Variants in TUSC3 observed in about 807,000 individuals in gnomAD.
The protein encoded by TUSC3 is dolichyl-diphosphooligosaccharide--protein glycosyltransferase subunit TUSC3.
Under a neutral mutation model 44.8 loss-of-function variants are expected in TUSC3, and 45 were observed. The ratio of observed to expected loss-of-function variants is 1.00; its 90% CI spans 0.79 to 1.29. The LOEUF is 1.29. TUSC3 is among the 50% of genes most tolerant of loss of function. TUSC3 has a pLI of 0.00. For synonymous variants in TUSC3, 212 were observed against 152.9 expected (o/e 1.39, Z -2.85); for missense variants, 519 against 437.9 (o/e 1.19, Z -1.65).
chr8:15,800,694 G>C, the TUSC3 span, among the ~76,000 whole-genome samples: 21 of 152,254 alleles, frequency 1.4e-4, no homozygotes, highest in African/African-American at 5.1e-4. Context: ...CTGTCAGCCT[G>C]CTCTGCAGAA....
intron 5 of TUSC3, among the ~76,000 whole-genome samples, chr8:15,667,389 C>A (rs1807713043): frequency 6.6e-6 from 1 of 151,512 alleles, no homozygotes; most frequent in Non-Finnish European, 1.5e-5. Context: ...ATAAATAATT[C>A]ACTTGTGAAT....
chr8:15,745,492 C>T (rs1003386129), intron 8 of TUSC3, among the ~76,000 whole-genome samples: 1 of 151,994 alleles, frequency 6.6e-6, no homozygotes, highest in Non-Finnish European at 1.5e-5. Context: ...TAATCATAGC[C>T]ATTCTGACTG....
chr8:15,649,870 A>G (rs1177976536), intron 2 of TUSC3, among the ~76,000 whole-genome samples: 2 of 152,148 alleles, frequency 1.3e-5, no homozygotes, highest in African/African-American at 4.8e-5. Flanking sequence ...GGGGGGAGAT[A>G]AACTCTAGAG....
In TUSC3 at chr8:15,461,650, G is replaced by A. The variant is rs562595720; in HGVS notation, n.92-21736G>A. On this transcript the variant is annotated intron_variant and non_coding_transcript_variant, in intron 1 of 5. Coordinates refer to the TUSC3 transcript ENST00000503191. ...AATACGTTCTACTTTTCCCCATTCA[G>A]TATTACGTTAGCTGTGAGTTTGTCA... Among the ~76,000 whole-genome samples, 22 of 151,734 alleles carry A rather than the reference G, an allele frequency of 1.4e-4. 1 individual carries two copies. The highest frequency in any genetic ancestry group is 5.1e-4 in the African/African-American group (21 of 41,410).
chr8:15,711,433 G>A (rs879924851), intron 6 of TUSC3, among the ~76,000 whole-genome samples: 4 of 149,642 alleles, frequency 2.7e-5, no homozygotes, highest in Non-Finnish European at 5.9e-5. Context: ...CAGAAAAGAG[G>A]TTACCAGGTT....
chr8:15,518,667 C>T (rs1051071564), intron 2 of TUSC3, among the ~76,000 whole-genome samples: 1 of 152,108 alleles, frequency 6.6e-6, no homozygotes, highest in Non-Finnish European at 1.5e-5. Flanking sequence ...CCAGTCTTAG[C>T]AGCAAATCTG....
the TUSC3 span, among the ~76,000 whole-genome samples, chr8:15,828,957 C>A: frequency 6.6e-6 from 1 of 152,146 alleles, no homozygotes; most frequent in South Asian, 2.1e-4. Context: ...GCACTTTCCT[C>A]TGTTGACAAA....
the TUSC3 span, among the ~76,000 whole-genome samples, chr8:15,772,084 G>A: frequency 7.8e-4 from 119 of 151,724 alleles, no homozygotes; most frequent in African/African-American, 2.0e-3. Context: ...GCAAGACTCC[G>A]TCTCAAAAAG....
chr8:15,563,926 G>A (rs1407368551), intron 1 of TUSC3, among the ~76,000 whole-genome samples: 1 of 151,976 alleles, frequency 6.6e-6, no homozygotes, highest in Non-Finnish European at 1.5e-5. Flanking sequence ...CTTTTCATGA[G>A]GATATGAACA....
intron 1 of TUSC3, among the ~76,000 whole-genome samples, chr8:15,609,581 T>C (rs1166557047): frequency 2.0e-5 from 3 of 151,876 alleles, no homozygotes; most frequent in South Asian, 2.1e-4. Flanking sequence ...GAAAAAAAAA[T>C]GGGAAGCTCA....
At chr8:15,737,455 T>C (rs1026250906) in intron 7 of TUSC3, among the ~76,000 whole-genome samples, 9 of 152,150 alleles carry the variant, frequency 5.9e-5, no homozygotes, top group Non-Finnish European at 1.3e-4. Context: ...AGCTTTTTTA[T>C]GTGGGATCAT....
the TUSC3 span, among the ~76,000 whole-genome samples, chr8:15,837,268 G>C: frequency 6.6e-6 from 1 of 151,898 alleles, no homozygotes; most frequent in Non-Finnish European, 1.5e-5. Context: ...AAATCATTCA[G>C]TTTTTTCTTA....
At chr8:15,533,299 G>C (rs1801475792) in intron 2 of TUSC3, among the ~76,000 whole-genome samples, 1 of 152,096 alleles carries the variant, frequency 6.6e-6, no homozygotes, top group South Asian at 2.1e-4. Context: ...TAATACAGAG[G>C]GGTAGAGGAA....
the TUSC3 span, among the ~76,000 whole-genome samples, chr8:15,772,283 A>C: frequency 6.6e-6 from 1 of 152,150 alleles, no homozygotes; most frequent in Non-Finnish European, 1.5e-5. Context: ...TATCAAAAAA[A>C]TTGGCCAACC....
At chr8:15,424,513 C>T (rs958373064) in intron 1 of TUSC3, among the ~76,000 whole-genome samples, 1 of 152,056 alleles carries the variant, frequency 6.6e-6, no homozygotes, top group Non-Finnish European at 1.5e-5. Flanking sequence ...TCTGGGCAAA[C>T]AAAAATGACA....
chr8:15,530,953 C>G (rs564780436), intron 2 of TUSC3, among the ~76,000 whole-genome samples: 2 of 152,250 alleles, frequency 1.3e-5, no homozygotes, highest in African/African-American at 4.8e-5. Flanking sequence ...GGTGTCACCC[C>G]AGAAAACACT....
At chr8:15,800,811 C>G in the TUSC3 span, among the ~76,000 whole-genome samples, 2 of 152,110 alleles carry the variant, frequency 1.3e-5, no homozygotes, top group Non-Finnish European at 2.9e-5. Flanking sequence ...GCAACATGTT[C>G]TTAACTTGCC....
At chr8:15,627,617 C>T (rs1418326962) in intron 2 of TUSC3, among the ~76,000 whole-genome samples, 2 of 152,222 alleles carry the variant, frequency 1.3e-5, no homozygotes, top group Non-Finnish European at 2.9e-5. Context: ...GGCTGTGACT[C>T]CCTTTTTGGG....
chr8:15,470,003 C>G (rs1402906682), intron 1 of TUSC3, among the ~76,000 whole-genome samples: 1 of 152,050 alleles, frequency 6.6e-6, no homozygotes, highest in Non-Finnish European at 1.5e-5. Flanking sequence ...CGCCTGTAAT[C>G]CCAGTACTTT....
Sources: allele counts gnomAD v4.1 joint callset (sites outside exome capture counted in the v4.1 genomes callset), GRCh38; gene constraint gnomAD v4.1.1; transcripts MANE v1.5; gene names NCBI Gene and HGNC (gene_info 2026-07-23, HGNC 2026-07-21).